NR4A3: variants seen among roughly 807,000 people sequenced by gnomAD.
The protein encoded by NR4A3 is nuclear receptor subfamily 4 group A member 3, also known as chondrosarcoma, extraskeletal myxoid, fused to EWS.
In NR4A3, 13 loss-of-function variants were observed where a neutral mutation model predicts 55.6. The observed-to-expected ratio is 0.23, with a 90% CI of 0.15 to 0.37. The LOEUF (loss-of-function observed/expected upper bound fraction) is 0.37, where lower values mean the gene tolerates loss of function less well. Among genes scored for constraint, NR4A3 ranks in the 10% least tolerant of loss-of-function variants. The probability of loss-of-function intolerance (pLI) is 1.00; values close to 1 mark genes in which losing one functional copy is unlikely to be tolerated. For missense variants in NR4A3, 646 were observed against 822.8 expected (o/e 0.79, Z 2.63); for synonymous variants, 342 against 357.9 (o/e 0.96, Z 0.50).
chr9:99,831,065 C>A (rs1011632603), intron 3 of NR4A3, among the ~76,000 whole-genome samples: 7 of 152,280 alleles, frequency 4.6e-5, no homozygotes, highest in African/African-American at 1.4e-4. Context: ...AAATTGAGTT[C>A]TTTAAAAATG....
Position 99,828,928 on chromosome 9 carries a change from G to A in NR4A3, c.886G>A (p.Gly296Arg), listed in dbSNP as rs758315332. ...SSGEGTCAVC[G>R]DNAACQHYGV... is the part of the protein sequence containing the mutation. ...TGGCGAGGGCACGTGTGCCGTGTGC[G>A]GGGACAACGCCGCCTGCCAGCACTA... The change falls in exon 3 of 8, where the codon GGG becomes AGG. Residue 296 changes from glycine (G) to arginine (R), a missense_variant. Physicochemically the swap from Gly to Arg is moderately radical, Grantham distance 125 (BLOSUM62 -2). Transcript: ENST00000395097. The surrounding 1 kb of genome is among the most constrained non-coding windows in gnomAD (Gnocchi z 7.7). 1 of 1,456,844 alleles carries A rather than the reference G, an allele frequency of 6.9e-7. No individual in the cohort carries two copies. 90.2% of individuals were successfully genotyped at this position (1,456,844 alleles called of 1,614,324 possible). A position where few individuals can be genotyped will look rare whatever the true frequency, so the allele number is the denominator to read the frequency against.
intron 5 of NR4A3, chr9:99,833,747 C>T: frequency 7.0e-7 from 1 of 1,429,494 alleles, no homozygotes; most frequent in Non-Finnish European, 9.2e-7. Context: ...CACAGACAAA[C>T]TACAATTTGT....
In NR4A3 at chr9:99,848,915, G is replaced by C. The variant is rs576259886; in HGVS notation, c.1633+1300G>C. ...CCTGGGGAGGTGGTGACAGAGGGTG[G>C]GGGCTCCAGAAGTGGCCAAATGAGG... On this transcript the variant is annotated intron_variant, in intron 7 of 7. Transcript: ENST00000395097. Among the ~76,000 whole-genome samples the C allele has an allele frequency of 8.5e-5, 13 of 152,300 alleles. No homozygotes were observed. In the South Asian group the frequency reaches 2.7e-3, roughly 32 times the overall value.
chr9:99,864,402 G>T lies in NR4A3; in HGVS notation c.*535G>T. 4.4e-6 allele frequency: 1 copy of T among 227,918 alleles called. No homozygotes were observed. The highest frequency in any genetic ancestry group is 8.7e-6 in the Non-Finnish European group (1 of 114,502). 14.1% of individuals were successfully genotyped at this position (227,918 alleles called of 1,614,324 possible). ...CCTTCTTCCTTTATTTTAACAAATG[G>T]TGAAAGATGGAGGATTACCTACAAA... On this transcript the variant is annotated 3_prime_UTR_variant, in exon 8 of 8. Coordinates refer to ENST00000395097, the MANE Select transcript of NR4A3 (RefSeq NM_006981.4).
chr9:99,840,429 G>A (rs952031036), intron 5 of NR4A3, among the ~76,000 whole-genome samples: 3 of 152,226 alleles, frequency 2.0e-5, no homozygotes, highest in African/African-American at 7.2e-5. Context: ...AGGGGAGTCA[G>A]TGCAGGAGGT....
chr9:99,823,361 C>G (rs1444930187), intron 1 of NR4A3, among the ~76,000 whole-genome samples: 1 of 152,066 alleles, frequency 6.6e-6, no homozygotes, highest in Non-Finnish European at 1.5e-5. Context: ...TGAGGAAGAA[C>G]GCATTTGTCC....
intron 5 of NR4A3, among the ~76,000 whole-genome samples, chr9:99,843,808 C>T (rs1827700340): frequency 1.3e-5 from 2 of 151,662 alleles, no homozygotes; most frequent in Middle Eastern, 6.8e-3. Context: ...TGCTGGAGTG[C>T]AGTGGCACGA....
intron 5 of NR4A3, among the ~76,000 whole-genome samples, chr9:99,841,427 G>C (rs75814986): frequency 6.6e-6 from 1 of 152,222 alleles, no homozygotes; most frequent in African/African-American, 2.4e-5. Context: ...AGATGTTATA[G>C]GATCTTAGAA....
Position 99,844,865 on chromosome 9 carries a change from TATC to T in NR4A3, c.1454+18_1454+20del. 1 of 1,589,110 alleles carries T rather than the reference TATC, an allele frequency of 6.3e-7. No homozygotes were observed. Among genetic ancestry groups the T allele is most frequent in the Non-Finnish European group, 8.6e-7 (1 of 1,157,382 alleles). ...TTCCATCAGGTAATTACTACTATTTTATCTTCAGTCTACGTCCTTTGAAGAAGC... is the reference window on the plus strand; with the variant it reads ...TTCCATCAGGTAATTACTACTATTTTTTCAGTCTACGTCCTTTGAAGAAGC... On this transcript the variant is annotated intron_variant, in intron 6 of 7. Coordinates refer to ENST00000395097, the MANE Select transcript of NR4A3 (RefSeq NM_006981.4).
chr9:99,857,198 T>C (rs1827941906), intron 7 of NR4A3, among the ~76,000 whole-genome samples: 1 of 152,152 alleles, frequency 6.6e-6, no homozygotes, highest in Non-Finnish European at 1.5e-5. Context: ...GGATTAAATA[T>C]GATGGCTCGG....
At chr9:99,848,422 G>A (rs956653565) in intron 7 of NR4A3, among the ~76,000 whole-genome samples, 1 of 152,084 alleles carries the variant, frequency 6.6e-6, no homozygotes, top group Non-Finnish European at 1.5e-5. Context: ...TTGGTTTACT[G>A]CAACCTCTGC....
rs919766764 is a variant in NR4A3 at position 99,825,425 on chromosome 9, C to T, written c.-176-234C>T. ...TTTGGTGCCACAAAACGGTGGTAGG[C>T]GCAGTGGGTTCCAACAACCTTTCCT... is the stretch of plus-strand genomic sequence containing the variant. On this transcript the variant is annotated intron_variant, in intron 1 of 7. Transcript: ENST00000395097. The surrounding 1 kb of genome is among the most constrained non-coding windows in gnomAD (Gnocchi z 5.0). Among the ~76,000 whole-genome samples the T allele has an allele frequency of 2.0e-5, 3 of 152,076 alleles. No individual in the cohort carries two copies. The highest frequency in any genetic ancestry group is 4.4e-5 in the Non-Finnish European group (3 of 67,994).
chr9:99,834,039 G>A (rs2900223), intron 5 of NR4A3: 783,818 of 1,063,480 alleles, frequency 0.74, 291,987 homozygotes, highest in Non-Finnish European at 0.76. Flanking sequence ...AGTGGAAATG[G>A]CTACAATATT....
At chr9:99,863,427 G>T (rs1412694466) in intron 7 of NR4A3, among the ~76,000 whole-genome samples, 193 bp from the exon 8 acceptor site, 1 of 152,194 alleles carries the variant, frequency 6.6e-6, no homozygotes, top group African/African-American at 2.4e-5. Context: ...GCAAGTAAGT[G>T]TTGGGACTGG....
chr9:99,827,015 C>T (rs765153945), intron 2 of NR4A3, among the ~76,000 whole-genome samples: 11 of 152,168 alleles, frequency 7.2e-5, no homozygotes, highest in Admixed American at 2.0e-4. Flanking sequence ...TAATTCTCAG[C>T]GCCTTCTCAC....
intron 7 of NR4A3, among the ~76,000 whole-genome samples, chr9:99,850,667 A>G (rs746770782): frequency 3.9e-5 from 6 of 152,194 alleles, no homozygotes; most frequent in Non-Finnish European, 7.3e-5. Flanking sequence ...CCTATGTTTA[A>G]TAAGTAGGCG....
intron 6 of NR4A3, among the ~76,000 whole-genome samples, chr9:99,845,561 T>C (rs1564035424): frequency 6.6e-6 from 1 of 152,200 alleles, no homozygotes; most frequent in Non-Finnish European, 1.5e-5. Context: ...TTATATATTT[T>C]TAGGAGATGA....
At chr9:99,862,565 A>C (rs1828026245) in intron 7 of NR4A3, among the ~76,000 whole-genome samples, 1 of 43,248 alleles carries the variant, frequency 2.3e-5, no homozygotes, top group South Asian at 4.2e-4. Context: ...AAAAAAAAAA[A>C]AAAAAAAAAA....
At chr9:99,861,882 A>G (rs970326479) in intron 7 of NR4A3, among the ~76,000 whole-genome samples, 32 of 151,362 alleles carry the variant, frequency 2.1e-4, no homozygotes, top group Non-Finnish European at 3.4e-4. Context: ...CTTGAGCCCA[A>G]GAGTTCAAGA....
Sources: gnomAD v4.1 joint callset for allele counts (sites outside exome capture counted in the v4.1 genomes callset) on GRCh38, gnomAD v4.1.1 for gene constraint, Gnocchi (gnomAD v3.1) non-coding constraint, MANE v1.5 for transcripts, NCBI Gene and HGNC (gene_info 2026-07-23, HGNC 2026-07-21) for gene names.